The following FKBP5 variants were observed in gnomAD, a reference collection of about 807,000 sequenced individuals.
FKBP5 encodes the protein peptidyl-prolyl cis-trans isomerase FKBP5.
FKBP5 carries 23 observed loss-of-function variants against 50.5 expected under a neutral mutation model. The observed-to-expected ratio is 0.46, with a 90% CI of 0.33 to 0.65. The LOEUF (loss-of-function observed/expected upper bound fraction) is 0.65. FKBP5 is among the 30% of genes least tolerant of loss of function. FKBP5 has a pLI of 0.02. For missense variants in FKBP5, 411 were observed against 553.1 expected (o/e 0.74, Z 2.58); for synonymous variants, 176 against 190.6 (o/e 0.92, Z 0.63).
intron 1 of FKBP5, among the ~76,000 whole-genome samples, chr6:35,721,438 A>G (rs1490308958): frequency 6.6e-6 from 1 of 151,812 alleles, no homozygotes; most frequent in Non-Finnish European, 1.5e-5. Context: ...AAAAACACAC[A>G]TATACACACA....
chr6:35,685,036 G>A (rs778374140), intron 1 of FKBP5, among the ~76,000 whole-genome samples: 1 of 151,528 alleles, frequency 6.6e-6, no homozygotes, highest in African/African-American at 2.4e-5. Flanking sequence ...ACTCCAGCCT[G>A]GGCAATAAAG....
chr6:35,712,633 G>A (rs895598759), intron 2 of FKBP5, among the ~76,000 whole-genome samples: 4 of 152,142 alleles, frequency 2.6e-5, no homozygotes, highest in Non-Finnish European at 5.9e-5. Context: ...TCAGAGATCC[G>A]AGGGCTGTCA....
intron 1 of FKBP5, among the ~76,000 whole-genome samples, chr6:35,656,400 A>C (rs185212165): frequency 9.8e-5 from 15 of 152,356 alleles, no homozygotes; most frequent in Admixed American, 7.8e-4. Flanking sequence ...ATTCATTAAA[A>C]AGTAATTTAT....
intron 1 of FKBP5, among the ~76,000 whole-genome samples, chr6:35,678,333 C>T (rs1765578887): frequency 6.6e-6 from 1 of 151,974 alleles, no homozygotes; most frequent in Non-Finnish European, 1.5e-5. Flanking sequence ...ATTTAGACCT[C>T]AAGTTTAAAC....
At chr6:35,604,883 C>T (rs1006265515) in intron 5 of FKBP5, among the ~76,000 whole-genome samples, 8 of 151,182 alleles carry the variant, frequency 5.3e-5, no homozygotes, top group African/African-American at 1.2e-4. Flanking sequence ...CTCCACCTCC[C>T]GGGTTCACGC....
At position 35,587,129 on chromosome 6, in the gene FKBP5, T is replaced by A; in HGVS notation, c.757-12A>T. Reference sequence around the variant, plus strand: ...CAGGATTCTTTGGCCTGTGTGTAAATTTGTGACAATGGTTAGATGAACAGA... The same window carrying A: ...CAGGATTCTTTGGCCTGTGTGTAAAATTGTGACAATGGTTAGATGAACAGA... On this transcript the variant is annotated splice_polypyrimidine_tract_variant and intron_variant, in intron 7 of 10. Transcript: ENST00000357266. 1.2e-6 allele frequency: 2 copies of A among 1,613,112 alleles called. No individual in the cohort carries two copies. Among genetic ancestry groups the A allele is most frequent in the Non-Finnish European group, 1.7e-6 (2 of 1,179,108 alleles).
chr6:35,639,077 T>A (rs1764405412), intron 2 of FKBP5, among the ~76,000 whole-genome samples: 1 of 152,216 alleles, frequency 6.6e-6, no homozygotes, highest in Admixed American at 6.5e-5. Flanking sequence ...TATTCATTTT[T>A]AAAATATAAA....
At position 35,574,683 on chromosome 6, in the gene FKBP5, CTATT is replaced by C. The variant is rs768595127; in HGVS notation, c.*1148_*1151del. The C allele has an allele frequency of 2.0e-5, 3 of 152,666 alleles. No individual in the cohort carries two copies. Among genetic ancestry groups the C allele is most frequent in the Admixed American group, 6.5e-5 (1 of 15,294 alleles). 9.5% of individuals were successfully genotyped at this position (152,666 alleles called of 1,614,324 possible). ...TGAAACCCCTAGTGTAGAAGAGCAA[CTATT>C]TATTTGTCAACCCTACAGATTTTGT... On this transcript the variant is annotated 3_prime_UTR_variant, in exon 11 of 11. Transcript: ENST00000357266.
At chr6:35,682,532 T>C (rs1323605283) in intron 1 of FKBP5, among the ~76,000 whole-genome samples, 1 of 152,210 alleles carries the variant, frequency 6.6e-6, no homozygotes, top group Admixed American at 6.5e-5. Context: ...CTTTTGATAA[T>C]GAAATGACCA....
chr6:35,678,446 C>A (rs1394828469), intron 1 of FKBP5, among the ~76,000 whole-genome samples: 1 of 152,122 alleles, frequency 6.6e-6, no homozygotes, highest in African/African-American at 2.4e-5. Context: ...TTAGACAATT[C>A]CAGTATCTTA....
At chr6:35,630,502 G>A (rs1384394134) in intron 3 of FKBP5, among the ~76,000 whole-genome samples, 2 of 152,094 alleles carry the variant, frequency 1.3e-5, no homozygotes, top group South Asian at 2.1e-4. Context: ...AGCCGAGATC[G>A]TGCCACTGCA....
rs548783104 is a variant in FKBP5, at chr6:35,677,264, G to A, written c.-20+11540C>T. On this transcript the variant is annotated intron_variant, in intron 1 of 10. Coordinates refer to ENST00000357266, the MANE Select transcript of FKBP5 (RefSeq NM_004117.4). ...AATTTTTTGTATTTTTAGTAGAGAC[G>A]GGGTTTCACTGTGTTAGCCAGAGTG... is the stretch of plus-strand genomic sequence containing the variant. 1.4e-3 allele frequency among the ~76,000 whole-genome samples: 209 copies of A among 152,114 alleles called. 1 individual carries two copies. The highest frequency in any genetic ancestry group is 4.8e-3 in the African/African-American group (198 of 41,480).
chr6:35,599,759 A>C (rs899930388), intron 5 of FKBP5, among the ~76,000 whole-genome samples: 2 of 152,262 alleles, frequency 1.3e-5, no homozygotes, highest in African/African-American at 4.8e-5. Flanking sequence ...AATGCTGATA[A>C]TTCCTTCTGT....
At position 35,620,087 on chromosome 6, in the gene FKBP5, A is replaced by G. The variant is rs1763784858; in HGVS notation, c.393+45T>C. 1.9e-6 allele frequency: 3 copies of G among 1,612,608 alleles called. No individual in the cohort carries two copies. The African/African-American group carries it at 4.0e-5, about 21-fold the overall frequency. On this transcript the variant is annotated intron_variant, in intron 4 of 10. Coordinates refer to ENST00000357266, the MANE Select transcript of FKBP5 (RefSeq NM_004117.4). The stretch of plus-strand genomic sequence containing the variant: ...TGCCTGTTGCTTCAAAGCCATTCCT[A>G]TTGTAGAGCAGATGCTGACAAGGCA...
chr6:35,666,905 T>C (rs1370417756), intron 1 of FKBP5, among the ~76,000 whole-genome samples: 2 of 151,818 alleles, frequency 1.3e-5, no homozygotes, highest in African/African-American at 2.4e-5. Context: ...AAAGAAAATG[T>C]ATATGAAGAG....
chr6:35,702,023 T>G (rs776565599), intron 2 of FKBP5, among the ~76,000 whole-genome samples: 1 of 152,092 alleles, frequency 6.6e-6, no homozygotes, highest in African/African-American at 2.4e-5. Context: ...AATTTGTGTA[T>G]TTTTAGTAGA....
rs114697067 is a variant in FKBP5 at position 35,636,562 on chromosome 6, G to A, written c.250+452C>T. Among the ~76,000 whole-genome samples, 1,122 of 152,300 alleles carry A rather than the reference G, an allele frequency of 7.4e-3. 12 individuals carry two copies. Among genetic ancestry groups the A allele is most frequent in the African/African-American group, 0.023 (970 of 41,572 alleles). On this transcript the variant is annotated intron_variant, in intron 3 of 10. Transcript: ENST00000357266. ...CCTTTCTGTCACAGAATATCAAAGT[G>A]ATGTGAAACTCAAAGATTGGGTTTC...
intron 7 of FKBP5, among the ~76,000 whole-genome samples, chr6:35,590,402 T>C (rs1762778564): frequency 1.3e-5 from 2 of 152,150 alleles, no homozygotes; most frequent in African/African-American, 2.4e-5. Context: ...GGTGGGGCTT[T>C]GGAAATGCCA....
intron 3 of FKBP5, among the ~76,000 whole-genome samples, chr6:35,628,366 G>GA (rs1044224938): frequency 5.3e-5 from 8 of 151,646 alleles, no homozygotes; most frequent in South Asian, 2.1e-4. Context: ...ATATCATACA[G>GA]AAAAAAAATT....
Sources: allele counts gnomAD v4.1 joint callset (sites outside exome capture counted in the v4.1 genomes callset), GRCh38; gene constraint gnomAD v4.1.1; transcripts MANE v1.5; gene names NCBI Gene and HGNC (gene_info 2026-07-23, HGNC 2026-07-21).